Variants in GRHL3 observed in about 807,000 individuals in gnomAD.
The protein encoded by GRHL3 is grainyhead-like protein 3 homolog.
Under a neutral mutation model 70.3 loss-of-function variants are expected in GRHL3, and 20 were observed. That is an observed-to-expected ratio of 0.28 (90% CI 0.20 to 0.41). GRHL3 has a LOEUF of 0.41. Among genes scored for constraint, GRHL3 ranks in the 10% least tolerant of loss-of-function variants. The pLI is 1.00. For missense variants in GRHL3, 637 were observed against 762.3 expected, an observed-to-expected ratio of 0.84 and a Z score of 1.94; for synonymous variants, 299 against 299.9, an observed-to-expected ratio of 1.00 and a Z score of 0.03.
chr1:24,331,514 C>T lies in GRHL3; in HGVS notation c.106C>T (p.Leu36=), dbSNP rs770669142. Residue 36 remains leucine (L), a synonymous_variant, in exon 2 of 16, where the codon CTA becomes TTA. Transcript: ENST00000361548. The part of the protein sequence containing the change: ...TSEDEAWKTY[L]ENPLTAATKA... ...TGAGGATGAGGCCTGGAAGACGTAC[C>T]TAGAAAACCCGTTGACAGCTGCCAC... 6.2e-7 allele frequency: 1 copy of T among 1,614,122 alleles called. No homozygotes were observed. Among genetic ancestry groups the T allele is most frequent in the Non-Finnish European group, 8.5e-7 (1 of 1,179,990 alleles).
intron 1 of GRHL3, among the ~76,000 whole-genome samples, chr1:24,329,025 C>T (rs562362864): frequency 6.6e-6 from 1 of 152,290 alleles, no homozygotes; most frequent in African/African-American, 2.4e-5. Context: ...TTCTTCTAAA[C>T]CCCAGGCCCA....
chr1:24,342,124 G>A lies in GRHL3; in HGVS notation c.1057G>A (p.Gly353Ser), dbSNP rs1240818697. Residue 353 changes from glycine (G) to serine (S), a missense_variant, in exon 9 of 16, where the codon GGC (glycine) becomes AGC (serine). Gly to Ser is a moderately conservative substitution (Grantham distance 56). Coordinates refer to ENST00000361548, the MANE Select transcript of GRHL3 (RefSeq NM_198173.3). The surrounding 1 kb of genome is among the most constrained non-coding windows in gnomAD (Gnocchi z 4.8). ...CCCCCTCTGTCTCCAGGTGTTCATCGGCGTAAACTGTCTGAGCACAGACTT... is the reference window on the plus strand; with the variant it reads ...CCCCCTCTGTCTCCAGGTGTTCATCAGCGTAAACTGTCTGAGCACAGACTT... ...NVNEEAKVFI[G>S]VNCLSTDFSS... is the part of the protein sequence containing the mutation. The A allele has an allele frequency of 6.3e-6, 10 of 1,585,550 alleles. No homozygotes were observed. Among genetic ancestry groups the A allele is most frequent in the South Asian group, 2.3e-5 (2 of 85,820 alleles).
chr1:24,361,072 C>A, intron 15 of GRHL3: 1 of 1,566,402 alleles, frequency 6.4e-7, no homozygotes, highest in Non-Finnish European at 8.7e-7. Context: ...GAAGATGTCA[C>A]TAAGGCAGTC....
intron 14 of GRHL3, among the ~76,000 whole-genome samples, 183 bp from the exon 15 acceptor site, chr1:24,349,875 G>A (rs1640435859): frequency 6.6e-6 from 1 of 152,208 alleles, no homozygotes; most frequent in African/African-American, 2.4e-5. Flanking sequence ...ACACCCAGAT[G>A]TTAATGGTGT....
intron 1 of GRHL3, among the ~76,000 whole-genome samples, chr1:24,326,778 G>A (rs1277689398): frequency 6.6e-6 from 1 of 152,122 alleles, no homozygotes; most frequent in Non-Finnish European, 1.5e-5. Context: ...GAAAGTGCTA[G>A]CCATAGAGTT....
Position 24,334,585 on chromosome 1 carries a change from T to C in GRHL3, c.205-60T>C. On this transcript the variant is annotated intron_variant, in intron 2 of 15. Coordinates refer to ENST00000361548, the MANE Select transcript of GRHL3 (RefSeq NM_198173.3). The surrounding 1 kb of genome is among the most constrained non-coding windows in gnomAD (Gnocchi z 4.3). ...GCCTGGCCAAAGCTGCAGGAGGGGA[T>C]TGAGGCTCCTACCAGCAGAAGCTTA... The C allele has an allele frequency of 7.1e-7, 1 of 1,413,462 alleles. No individual in the cohort carries two copies. Among genetic ancestry groups the C allele is most frequent in the Non-Finnish European group, 1.0e-6 (1 of 1,003,644 alleles). 87.6% of individuals were successfully genotyped at this position (1,413,462 alleles called of 1,614,324 possible).
chr1:24,349,966 G>A (rs1180330309), intron 14 of GRHL3, 92 bp from the exon 15 acceptor site: 1 of 904,126 alleles, frequency 1.1e-6, no homozygotes, highest in Admixed American at 2.3e-5. Flanking sequence ...TTTTACTTTT[G>A]TAATCAGGAA....
intron 5 of GRHL3, chr1:24,337,387 C>A (rs1181206801): frequency 1.2e-5 from 7 of 591,012 alleles, no homozygotes; most frequent in African/African-American, 5.6e-5. Context: ...TTAGTTTTCC[C>A]TGGTTTTGTC....
intron 1 of GRHL3, among the ~76,000 whole-genome samples, chr1:24,325,077 G>C (rs1639342703): frequency 6.6e-6 from 1 of 152,136 alleles, no homozygotes; most frequent in Non-Finnish European, 1.5e-5. Flanking sequence ...GGGCCTCCCT[G>C]TGGGTGATTA....
Position 24,337,170 on chromosome 1 carries a change from A to AC in GRHL3, c.686+22dup, listed in dbSNP as rs1400959254. ...TCAAAAGGTAACTTGGTCTCCCTGG[A>AC]CCCTCAGACACCTGGGCAGTGGGCA... On this transcript the variant is annotated intron_variant, in intron 5 of 15. Coordinates refer to ENST00000361548, the MANE Select transcript of GRHL3 (RefSeq NM_198173.3). The AC allele has an allele frequency of 3.2e-6, 5 of 1,578,702 alleles. No individual in the cohort carries two copies. In the Admixed American group the frequency reaches 8.4e-5, roughly 26 times the overall value.
chr1:24,325,103 C>G (rs112155185), intron 1 of GRHL3, among the ~76,000 whole-genome samples: 2,068 of 152,254 alleles, frequency 0.014, 48 homozygotes, highest in African/African-American at 0.046. Flanking sequence ...TGATTGATCA[C>G]TGTTAATGAG....
Position 24,323,200 on chromosome 1 carries a change from T to C in GRHL3, c.17+3632T>C. On this transcript the variant is annotated intron_variant, in intron 1 of 15. Coordinates refer to ENST00000361548, the MANE Select transcript of GRHL3 (RefSeq NM_198173.3). Reference sequence around the variant, plus strand: ...TCGTTAAGGGGAAGAGAGGGAGTCATTATTTTGAAAGAGAACACCTAGAAC... The same window carrying C: ...TCGTTAAGGGGAAGAGAGGGAGTCACTATTTTGAAAGAGAACACCTAGAAC... The C allele has an allele frequency of 2.4e-6, 2 of 849,426 alleles. 1 individual carries two copies. 52.6% of individuals were successfully genotyped at this position (849,426 alleles called of 1,614,324 possible).
chr1:24,319,853 T>G, intron 1 of GRHL3: 1 of 792,620 alleles, frequency 1.3e-6, no homozygotes, highest in Non-Finnish European at 1.8e-6. Flanking sequence ...CTGGCACCAC[T>G]TTTTGATCCT....
downstream of GRHL3, among the ~76,000 whole-genome samples, chr1:24,360,192 C>T (rs368003141): frequency 8.5e-5 from 13 of 152,220 alleles, no homozygotes; most frequent in East Asian, 7.7e-4. Context: ...CGCCTGTAAT[C>T]CCAGCACTCT....
chr1:24,320,765 G>A (rs1639151393), intron 1 of GRHL3, among the ~76,000 whole-genome samples: 1 of 152,220 alleles, frequency 6.6e-6, no homozygotes, highest in Non-Finnish European at 1.5e-5. Flanking sequence ...TCCCGGGGTT[G>A]ACAATGTATT....
chr1:24,360,056 C>T (rs6424094), downstream of GRHL3, among the ~76,000 whole-genome samples: 2,335 of 152,314 alleles, frequency 0.015, 55 homozygotes, highest in African/African-American at 0.051. Flanking sequence ...GCCACGAACT[C>T]GCTGCGGACC....
At chr1:24,331,734 G>A in intron 2 of GRHL3, 122 bp downstream of exon 2, 1 of 729,258 alleles carries the variant, frequency 1.4e-6, no homozygotes, top group Non-Finnish European at 2.2e-6. Flanking sequence ...TTTGCACAAT[G>A]CTGTTCCCTC....
At chr1:24,362,739 C>G (rs1314016302) in intron 15 of GRHL3, among the ~76,000 whole-genome samples, 1 of 152,172 alleles carries the variant, frequency 6.6e-6, no homozygotes, top group Non-Finnish European at 1.5e-5. Context: ...AGGGGACACC[C>G]CCCTGGTCAG....
chr1:24,361,023 G>C (rs777707045), intron 15 of GRHL3: 1 of 1,609,734 alleles, frequency 6.2e-7, no homozygotes, highest in East Asian at 2.2e-5. Context: ...GAGCAGAGAA[G>C]TTCAGGATGG....
Sources: allele counts gnomAD v4.1 joint callset (sites outside exome capture counted in the v4.1 genomes callset), GRCh38; gene constraint gnomAD v4.1.1; non-coding constraint Gnocchi (gnomAD v3.1); transcripts MANE v1.5; gene names NCBI Gene and HGNC (gene_info 2026-07-23, HGNC 2026-07-21).